Variants in CD163L1 observed in about 807,000 individuals in gnomAD.
CD163L1 encodes the protein scavenger receptor cysteine-rich type 1 protein M160.
In CD163L1, 124 loss-of-function variants were observed where a neutral mutation model predicts 165.4. The observed-to-expected ratio is 0.75, with a 90% confidence interval of 0.65 to 0.87. The LOEUF (loss-of-function observed/expected upper bound fraction) is 0.87. Ranked by LOEUF, CD163L1 falls within the 40% of genes least tolerant of loss-of-function variation. CD163L1 has a pLI of 0.00. For missense variants in CD163L1, 1,525 were observed against 1,799.9 expected, an observed-to-expected ratio of 0.85 and a Z score of 2.76; for synonymous variants, 585 against 662.2, an observed-to-expected ratio of 0.88 and a Z score of 1.79.
At chr12:7,422,788 C>T (rs1591958383) in intron 4 of CD163L1, among the ~76,000 whole-genome samples, 1 of 148,204 alleles carries the variant, frequency 6.7e-6, no homozygotes, top group African/African-American at 2.5e-5. Context: ...TATATATATA[C>T]ACACAGGTGC....
intron 4 of CD163L1, among the ~76,000 whole-genome samples, chr12:7,414,758 A>C (rs1442060011): frequency 2.0e-5 from 3 of 152,136 alleles, no homozygotes; most frequent in Non-Finnish European, 2.9e-5. Context: ...CTATCAATGA[A>C]TTTTCTCAAC....
At chr12:7,320,714 C>T in the CD163L1 span, 3 of 1,607,604 alleles carry the variant, frequency 1.9e-6, no homozygotes, top group South Asian at 3.3e-5. Context: ...GTGTCTTTCT[C>T]CATCATCCAG....
chr12:7,324,446 G>A, the CD163L1 span: 2 of 1,613,890 alleles, frequency 1.2e-6, no homozygotes, highest in African/African-American at 2.7e-5. Context: ...CGACAGGGAG[G>A]GAGATCTCTA....
intron 18 of CD163L1, among the ~76,000 whole-genome samples, chr12:7,358,478 C>T (rs1946824768): frequency 6.6e-6 from 1 of 152,054 alleles, no homozygotes; most frequent in African/African-American, 2.4e-5. Flanking sequence ...TAAAATTGCA[C>T]ACCAAAGATC....
At chr12:7,322,323 T>C in the CD163L1 span, 5 of 1,554,264 alleles carry the variant, frequency 3.2e-6, no homozygotes, top group Non-Finnish European at 4.4e-6. Flanking sequence ...TTGCCTCTCC[T>C]AGCTGCTATG....
downstream of CD163L1, among the ~76,000 whole-genome samples, chr12:7,341,761 G>A (rs969624429): frequency 4.6e-5 from 7 of 152,180 alleles, no homozygotes; most frequent in African/African-American, 1.7e-4. Flanking sequence ...CAGGGATTCT[G>A]AGGCTGAAAT....
At chr12:7,433,027 G>A (rs1948655519) in intron 3 of CD163L1, among the ~76,000 whole-genome samples, 1 of 151,698 alleles carries the variant, frequency 6.6e-6, no homozygotes. Context: ...AGTGTACCTG[G>A]TACATGAAAA....
chr12:7,403,963 C>G, intron 5 of CD163L1, 108 bp from the exon 6 acceptor site: 1 of 732,768 alleles, frequency 1.4e-6, no homozygotes. Context: ...CCTTCACATA[C>G]TGAGAAAAGT....
intron 4 of CD163L1, among the ~76,000 whole-genome samples, chr12:7,421,776 C>T (rs200673039): frequency 0.051 from 4,841 of 95,738 alleles, 259 homozygotes; most frequent in African/African-American, 0.18. Context: ...TATATTTTTT[C>T]TTCTAAGTGA....
At chr12:7,338,386 A>T in the CD163L1 span, among the ~76,000 whole-genome samples, 1 of 152,238 alleles carries the variant, frequency 6.6e-6, no homozygotes, top group South Asian at 2.1e-4. Flanking sequence ...GGGAGATTTC[A>T]TGATACACAG....
chr12:7,434,906 T>C (rs759600512), intron 2 of CD163L1, among the ~76,000 whole-genome samples: 1 of 152,282 alleles, frequency 6.6e-6, no homozygotes, highest in East Asian at 1.9e-4. Flanking sequence ...ACTATACTCA[T>C]AACTAGAAAT....
In CD163L1 at chr12:7,375,502, G is replaced by T. The variant is rs1673904876; in HGVS notation, c.2780C>A (p.Thr927Asn). ...VLGHWGSLCD[T>N]HWDPEDARVL... ...ACGGGCATCTTCTGGGTCCCAGTGG[G>T]TGTCACACAGTGAGCCCCAGTGTCC... is the stretch of plus-strand genomic sequence containing the variant. The change falls in exon 11 of 20, where the codon ACC (threonine) becomes AAC (asparagine). Residue 927 changes from threonine (T) to asparagine (N), a missense_variant. Transcript: ENST00000313599. 6.2e-7 allele frequency: 1 copy of T among 1,614,054 alleles called. No homozygotes were observed. The highest frequency in any genetic ancestry group is 8.5e-7 in the Non-Finnish European group (1 of 1,180,014).
At chr12:7,414,815 T>G (rs903980912) in intron 4 of CD163L1, among the ~76,000 whole-genome samples, 4 of 152,056 alleles carry the variant, frequency 2.6e-5, no homozygotes, top group African/African-American at 7.2e-5. Context: ...GTGAATGTAC[T>G]GGAACAAAAA....
At position 7,368,241 on chromosome 12, in the gene CD163L1, T is replaced by G. The variant is rs368846356; in HGVS notation, c.4073-44A>C. The G allele has an allele frequency of 9.0e-6, 10 of 1,115,586 alleles. No homozygotes were observed. In the African/African-American group the frequency reaches 1.4e-4, roughly 16 times the overall value. The allele number at this position is 1,115,586 out of a possible 1,614,324, so 69.1% of individuals were successfully genotyped here. On this transcript the variant is annotated intron_variant, in intron 16 of 19. Coordinates refer to ENST00000313599, the MANE Select transcript of CD163L1 (RefSeq NM_174941.6). This position sits in a 1 kb window ranked among gnomAD's most constrained non-coding sequence, Gnocchi z 4.3. ...TTGATAAGTATTAAACTAGTAGATA[T>G]CAATTGTGGGTTTATACATTGTAAA... is the stretch of plus-strand genomic sequence containing the variant.
chr12:7,422,199 C>A (rs1392595574), intron 4 of CD163L1, among the ~76,000 whole-genome samples: 1 of 152,030 alleles, frequency 6.6e-6, no homozygotes, highest in Non-Finnish European at 1.5e-5. Flanking sequence ...AGAAGAGGGG[C>A]ATGACTGATA....
At chr12:7,407,642 T>G (rs1948052992) in intron 4 of CD163L1, among the ~76,000 whole-genome samples, 1 of 151,552 alleles carries the variant, frequency 6.6e-6, no homozygotes, top group Non-Finnish European at 1.5e-5. Context: ...AGAATTTGGA[T>G]ATATATATAC....
intron 8 of CD163L1, among the ~76,000 whole-genome samples, chr12:7,383,488 A>G (rs1947454955): frequency 1.3e-5 from 2 of 152,140 alleles, no homozygotes; most frequent in Admixed American, 1.3e-4. Context: ...TAAGCAAGCC[A>G]CCTGGAAGCC....
intron 4 of CD163L1, among the ~76,000 whole-genome samples, chr12:7,426,532 A>C (rs192676502): frequency 6.6e-6 from 1 of 152,184 alleles, no homozygotes; most frequent in African/African-American, 2.4e-5. Flanking sequence ...AGGGATAAAA[A>C]CTACACATTG....
the CD163L1 span, among the ~76,000 whole-genome samples, chr12:7,340,902 G>A: frequency 6.6e-6 from 1 of 152,100 alleles, no homozygotes; most frequent in Admixed American, 6.6e-5. Context: ...ATCTGAATAT[G>A]CCTCCCACAA....
Sources: allele counts gnomAD v4.1 joint callset (sites outside exome capture counted in the v4.1 genomes callset), GRCh38; gene constraint gnomAD v4.1.1; non-coding constraint Gnocchi (gnomAD v3.1); transcripts MANE v1.5; gene names NCBI Gene and HGNC (gene_info 2026-07-23, HGNC 2026-07-21).